Variants in SSBP4 observed in about 807,000 individuals in gnomAD.
The protein encoded by SSBP4 is single-stranded DNA-binding protein 4.
In SSBP4, 33 loss-of-function variants were observed where a neutral mutation model predicts 64.6. That is an observed-to-expected ratio of 0.51 (90% CI 0.39 to 0.68). The LOEUF (loss-of-function observed/expected upper bound fraction) is 0.68, where lower values mean the gene tolerates loss of function less well. Ranked by LOEUF, SSBP4 falls within the 30% of genes least tolerant of loss-of-function variation. SSBP4 has a pLI of 0.00. For missense variants in SSBP4, 583 were observed against 566.8 expected (o/e 1.03, Z -0.29); for synonymous variants, 243 against 224.0 (o/e 1.08, Z -0.76).
upstream of SSBP4, among the ~76,000 whole-genome samples, chr19:18,414,171 A>G (rs988296920): frequency 1.3e-5 from 2 of 152,202 alleles, no homozygotes; most frequent in African/African-American, 2.4e-5. Flanking sequence ...CAGCTATTAC[A>G]GACCCTCCTC....
chr19:18,424,502 G>C (rs1972702574), intron 1 of SSBP4, among the ~76,000 whole-genome samples: 1 of 151,946 alleles, frequency 6.6e-6, no homozygotes, highest in African/African-American at 2.4e-5. Context: ...GGGTGGAAGT[G>C]CCCCAGGCAG....
intron 1 of SSBP4, among the ~76,000 whole-genome samples, chr19:18,425,710 T>C (rs1972803998): frequency 6.6e-6 from 1 of 152,068 alleles, no homozygotes; most frequent in South Asian, 2.1e-4. Context: ...AGTGCTGTGA[T>C]GATGCAGGGG....
intron 17 of SSBP4, 64 bp from the exon 18 acceptor site, chr19:18,434,153 C>T (rs1313212578): frequency 3.7e-6 from 6 of 1,602,134 alleles, no homozygotes; most frequent in South Asian, 2.2e-5. Context: ...TCCCTGGGGG[C>T]GGGTCCCAGC....
At chr19:18,407,443 GTCTCGT>G in the SSBP4 span, among the ~76,000 whole-genome samples, 1 of 152,114 alleles carries the variant, frequency 6.6e-6, no homozygotes, top group Non-Finnish European at 1.5e-5. Context: ...TTGAGACGGA[GTCTCGT>G]TCTGTTGCCC....
chr19:18,431,336 T>TA lies in SSBP4; in HGVS notation c.370-17_370-16insA. On this transcript the variant is annotated splice_polypyrimidine_tract_variant and intron_variant, in intron 5 of 17. Coordinates refer to ENST00000270061, the MANE Select transcript of SSBP4 (RefSeq NM_032627.5). ...AGGGCCTCACTCCCCCCCACCCACCTGGTTCTGTCCTCCTAGGGCCCCCCC... is the reference window on the plus strand; with the variant it reads ...AGGGCCTCACTCCCCCCCACCCACCTAGGTTCTGTCCTCCTAGGGCCCCCCC... The TA allele has an allele frequency of 3.0e-6, 1 of 332,386 alleles. No individual in the cohort carries two copies. The highest frequency in any genetic ancestry group is 5.2e-6 in the Non-Finnish European group (1 of 191,770). 20.6% of individuals were successfully genotyped at this position (332,386 alleles called of 1,614,324 possible).
At chr19:18,419,017 G>C (rs1484773706), upstream of SSBP4, 17 of 985,536 alleles carry the variant, frequency 1.7e-5, no homozygotes, top group Non-Finnish European at 2.0e-5. Flanking sequence ...GTCACTGCCT[G>C]AGGCTTTATG....
chr19:18,403,792 T>G, the SSBP4 span, among the ~76,000 whole-genome samples: 1 of 151,946 alleles, frequency 6.6e-6, no homozygotes, highest in Non-Finnish European at 1.5e-5. Context: ...CCCTGGGGTC[T>G]GGGCCTTCCT....
the SSBP4 span, among the ~76,000 whole-genome samples, chr19:18,406,976 G>A: frequency 6.6e-6 from 1 of 152,066 alleles, no homozygotes; most frequent in African/African-American, 2.4e-5. Flanking sequence ...CCTAGGACCC[G>A]CACCTCAACA....
rs1305044988 is a variant in SSBP4, at chr19:18,426,620, G to A, written c.60-731G>A. On this transcript the variant is annotated intron_variant, in intron 1 of 17. Transcript: ENST00000270061. The surrounding 1 kb of genome is among the most constrained non-coding windows in gnomAD (Gnocchi z 4.5). ...GCTGGAGCCACCTGGCTGGGCGAGG[G>A]TGACTCAGGTCCAAGCCCTTGGGGT... is the stretch of plus-strand genomic sequence containing the variant. 3.3e-5 allele frequency among the ~76,000 whole-genome samples: 5 copies of A among 152,208 alleles called. No individual in the cohort carries two copies. The highest frequency in any genetic ancestry group is 2.6e-4 in the Admixed American group (4 of 15,290).
At chr19:18,408,496 A>AT in the SSBP4 span, among the ~76,000 whole-genome samples, 17,468 of 144,442 alleles carry the variant, frequency 0.12, 1,076 homozygotes, top group South Asian at 0.18. Context: ...CAAGCCACCA[A>AT]TTTTTTTTTT....
rs559609179 is a variant in SSBP4 at position 18,423,613 on chromosome 19, C to T, written c.60-3738C>T. Among the ~76,000 whole-genome samples the T allele has an allele frequency of 7.9e-5, 12 of 152,226 alleles. No homozygotes were observed. In the East Asian group the frequency reaches 9.7e-4, roughly 12 times the overall value. On this transcript the variant is annotated intron_variant, in intron 1 of 17. Coordinates refer to ENST00000270061, the MANE Select transcript of SSBP4 (RefSeq NM_032627.5). The surrounding 1 kb of genome is among the most constrained non-coding windows in gnomAD (Gnocchi z 4.0). ...GCCATTCTGGGTAATTATGGTAACT[C>T]GCGTCATTACGGTGGTAGCTGTGGT...
intron 4 of SSBP4, among the ~76,000 whole-genome samples, chr19:18,430,502 GA>G (rs1973271918): frequency 6.6e-6 from 1 of 152,170 alleles, no homozygotes; most frequent in African/African-American, 2.4e-5. Context: ...GGAGGCTCTT[GA>G]AACTGCCGGT....
chr19:18,433,694 C>G lies in SSBP4; in HGVS notation c.1021-16C>G, dbSNP rs2144822914. On this transcript the variant is annotated splice_polypyrimidine_tract_variant and intron_variant, in intron 16 of 17. Coordinates refer to ENST00000270061, the MANE Select transcript of SSBP4 (RefSeq NM_032627.5). ...GGCGGGGCGGGGAGTTGCGAGCCGA[C>G]GGCGGCCGCCCCCAGAGTTCCCCCG... 7.2e-7 allele frequency: 1 copy of G among 1,382,990 alleles called. No homozygotes were observed. Among genetic ancestry groups the G allele is most frequent in the Non-Finnish European group, 9.3e-7 (1 of 1,074,044 alleles). The allele number at this position is 1,382,990 out of a possible 1,614,324, so 85.7% of individuals were successfully genotyped here.
In SSBP4 at chr19:18,426,288, C is replaced by T. The variant is rs896369639; in HGVS notation, c.60-1063C>T. ...GAGGGCGGCGCAGCTGAGCTGGAGG[C>T]GGCTGTGGAAGGGCCCCCAGGCCTG... On this transcript the variant is annotated intron_variant, in intron 1 of 17. Coordinates refer to ENST00000270061, the MANE Select transcript of SSBP4 (RefSeq NM_032627.5). This position sits in a 1 kb window ranked among gnomAD's most constrained non-coding sequence, Gnocchi z 4.5. Among the ~76,000 whole-genome samples the T allele has an allele frequency of 1.3e-5, 2 of 152,274 alleles. No individual in the cohort carries two copies. Among genetic ancestry groups the T allele is most frequent in the South Asian group, 2.1e-4 (1 of 4,826 alleles).
intron 6 of SSBP4, 55 bp downstream of exon 6, chr19:18,431,473 G>A (rs1009184690): frequency 2.0e-5 from 21 of 1,062,580 alleles, no homozygotes; most frequent in South Asian, 3.0e-5. Flanking sequence ...CCCCAGCGCC[G>A]CCCCCTCCCA....
chr19:18,416,932 T>G (rs1327957338), upstream of SSBP4, among the ~76,000 whole-genome samples: 2 of 152,178 alleles, frequency 1.3e-5, no homozygotes. Flanking sequence ...CCCGCTGCCC[T>G]CGCACTTTTC....
Position 18,432,902 on chromosome 19 carries a change from T to TCCCC in SSBP4, c.841+19_841+20insCCCC, listed in dbSNP as rs777220121. On this transcript the variant is annotated intron_variant, in intron 13 of 17. Transcript: ENST00000270061. Reference sequence around the variant, plus strand: ...CCTGGAGGTATGGCCTAGTAAGAGGTGGGGGTGTGCTAGGGTGGGTGTGTT... The same window carrying TCCCC: ...CCTGGAGGTATGGCCTAGTAAGAGGTCCCCGGGGGTGTGCTAGGGTGGGTGTGTT... 3.1e-5 allele frequency: 50 copies of TCCCC among 1,613,532 alleles called. No individual in the cohort carries two copies. Among genetic ancestry groups the TCCCC allele is most frequent in the Non-Finnish European group, 3.9e-5 (46 of 1,179,866 alleles).
the SSBP4 span, among the ~76,000 whole-genome samples, chr19:18,411,121 G>C: frequency 2.0e-5 from 3 of 151,940 alleles, no homozygotes; most frequent in African/African-American, 7.3e-5. Context: ...ACAAAAGAAA[G>C]CAAAACATAG....
the SSBP4 span, among the ~76,000 whole-genome samples, chr19:18,409,028 G>A: frequency 4.0e-5 from 6 of 151,348 alleles, no homozygotes; most frequent in Admixed American, 3.9e-4. Context: ...TGCATAGGCT[G>A]GTCTCAAACT....
Sources: gnomAD v4.1 joint callset for allele counts (sites outside exome capture counted in the v4.1 genomes callset) on GRCh38, gnomAD v4.1.1 for gene constraint, Gnocchi (gnomAD v3.1) non-coding constraint, MANE v1.5 for transcripts, NCBI Gene and HGNC (gene_info 2026-07-23, HGNC 2026-07-21) for gene names.